AGBL1: variants seen among roughly 807,000 people sequenced by gnomAD.
AGBL1 encodes the protein cytosolic carboxypeptidase 4.
Under a neutral mutation model 118.9 loss-of-function variants are expected in AGBL1, and 130 were observed. The ratio of observed to expected loss-of-function variants is 1.09; its 90% CI spans 0.95 to 1.26. The LOEUF (loss-of-function observed/expected upper bound fraction) is 1.26. AGBL1 is among the 50% of genes most tolerant of loss of function. The pLI is 0.00. For missense variants in AGBL1, 1,584 were observed against 1,298.1 expected (o/e 1.22, Z -3.38); for synonymous variants, 555 against 478.9 (o/e 1.16, Z -2.08).
chr15:86,919,729 T>C (rs1218469631), downstream of AGBL1, among the ~76,000 whole-genome samples: 1 of 152,126 alleles, frequency 6.6e-6, no homozygotes, highest in Non-Finnish European at 1.5e-5. Flanking sequence ...AGATTATAAA[T>C]AGAAGCGACT....
chr15:86,258,741 C>T (rs1460823604), intron 9 of AGBL1, among the ~76,000 whole-genome samples: 5 of 151,996 alleles, frequency 3.3e-5, no homozygotes, highest in Non-Finnish European at 5.9e-5. Context: ...GAGTCTCACT[C>T]GTGTCACCAG....
chr15:86,861,057 T>C (rs2079553462), intron 22 of AGBL1, among the ~76,000 whole-genome samples: 2 of 152,078 alleles, frequency 1.3e-5, no homozygotes, highest in Admixed American at 1.3e-4. Context: ...GTCTGTTGAT[T>C]TCATTGGGTG....
chr15:86,828,249 A>T (rs1271267234), intron 22 of AGBL1, among the ~76,000 whole-genome samples: 1 of 151,880 alleles, frequency 6.6e-6, no homozygotes, highest in Non-Finnish European at 1.5e-5. Flanking sequence ...AGCCTGTCGT[A>T]CGACTTTTTT....
At chr15:86,482,416 G>A (rs527358997) in intron 18 of AGBL1, among the ~76,000 whole-genome samples, 113 of 152,254 alleles carry the variant, frequency 7.4e-4, no homozygotes, top group Non-Finnish European at 1.4e-3. Flanking sequence ...AGTCCAGTGT[G>A]CCATAAATGT....
intron 22 of AGBL1, among the ~76,000 whole-genome samples, chr15:86,797,822 A>C (rs1363170569): frequency 6.6e-6 from 1 of 152,188 alleles, no homozygotes; most frequent in Non-Finnish European, 1.5e-5. Flanking sequence ...AAGCCCTTGG[A>C]GGTGGAGGCC....
At chr15:86,506,070 A>T (rs80186691) in intron 18 of AGBL1, among the ~76,000 whole-genome samples, 1 of 152,024 alleles carries the variant, frequency 6.6e-6, no homozygotes, top group Non-Finnish European at 1.5e-5. Context: ...TCTGTAACTA[A>T]TAAGTCTCAT....
intron 20 of AGBL1, among the ~76,000 whole-genome samples, chr15:86,553,258 A>C (rs539209497): frequency 1.3e-5 from 2 of 152,330 alleles, no homozygotes; most frequent in Admixed American, 1.3e-4. Context: ...GACTAATCGC[A>C]GTATTTCTGC....
intron 23 of AGBL1, among the ~76,000 whole-genome samples, chr15:86,924,229 G>C (rs937040445): frequency 2.8e-4 from 43 of 152,332 alleles, no homozygotes; most frequent in African/African-American, 1.0e-3. Context: ...TGGCTGGTAA[G>C]TGCCACACAC....
chr15:86,529,328 C>T lies in AGBL1; in HGVS notation c.2685+6389C>T, dbSNP rs1336429259. Among the ~76,000 whole-genome samples, 20 of 134,842 alleles carry T rather than the reference C, an allele frequency of 1.5e-4. 2 individuals are homozygous for T. The highest frequency in any genetic ancestry group is 4.1e-4 in the Admixed American group (6 of 14,636). The allele number at this position is 134,842 out of a possible 152,430, so 88.5% of individuals were successfully genotyped here. On this transcript the variant is annotated intron_variant, in intron 19 of 22. Coordinates refer to ENST00000614907, the MANE Select transcript of AGBL1 (RefSeq NM_001386094.1). ...TGAAGAATGCAGAAGCCTCAGGAGCCGATGCGATCAACTGGAAGAAAGGGT... is the reference window on the plus strand; with the variant it reads ...TGAAGAATGCAGAAGCCTCAGGAGCTGATGCGATCAACTGGAAGAAAGGGT...
chr15:86,577,069 G>A (rs1459672545), intron 21 of AGBL1, among the ~76,000 whole-genome samples: 2 of 152,178 alleles, frequency 1.3e-5, no homozygotes, highest in Admixed American at 6.5e-5. Context: ...ACAGGCAGGG[G>A]TTGGAACATT....
chr15:86,141,409 T>C (rs1407730297), intron 1 of AGBL1, among the ~76,000 whole-genome samples: 2 of 152,186 alleles, frequency 1.3e-5, no homozygotes, highest in African/African-American at 2.4e-5. Flanking sequence ...GTAATCCCTT[T>C]GGGAGGCCGA....
intron 22 of AGBL1, among the ~76,000 whole-genome samples, chr15:86,766,832 C>G (rs969482424): frequency 2.1e-5 from 3 of 142,904 alleles, no homozygotes; most frequent in African/African-American, 8.1e-5. Context: ...TTGAAAGAAT[C>G]CCATCTTGAC....
At chr15:86,779,286 C>T (rs2078299397) in intron 22 of AGBL1, among the ~76,000 whole-genome samples, 1 of 152,206 alleles carries the variant, frequency 6.6e-6, no homozygotes, top group Admixed American at 6.5e-5. Flanking sequence ...CAGAATCTGC[C>T]AGTGCCTTGA....
chr15:86,405,494 G>A (rs1041909534), intron 18 of AGBL1, among the ~76,000 whole-genome samples: 3 of 151,744 alleles, frequency 2.0e-5, no homozygotes, highest in Admixed American at 1.3e-4. Flanking sequence ...GCAACAGAGT[G>A]AGACTCTATC....
At chr15:86,666,661 T>C (rs1286165650) in intron 21 of AGBL1, among the ~76,000 whole-genome samples, 1 of 152,148 alleles carries the variant, frequency 6.6e-6, no homozygotes, top group Admixed American at 6.6e-5. Flanking sequence ...CATGAGCATT[T>C]GCTGCTGTTA....
intron 22 of AGBL1, among the ~76,000 whole-genome samples, chr15:86,707,818 T>C (rs1027015625): frequency 2.0e-5 from 3 of 152,136 alleles, no homozygotes; most frequent in Non-Finnish European, 4.4e-5. Flanking sequence ...TGAACTTCCT[T>C]TTTCAATGGA....
intron 22 of AGBL1, among the ~76,000 whole-genome samples, chr15:86,824,777 G>A (rs989484246): frequency 6.6e-6 from 1 of 152,080 alleles, no homozygotes; most frequent in Admixed American, 6.6e-5. Flanking sequence ...TCAGAACTAG[G>A]TCTGGTATGG....
intron 6 of AGBL1, among the ~76,000 whole-genome samples, chr15:86,239,450 TCTC>T (rs1354536815): frequency 7.2e-5 from 11 of 152,298 alleles, no homozygotes; most frequent in African/African-American, 2.6e-4. Context: ...TTTTGGCTGT[TCTC>T]CTTTGCACCA....
At chr15:86,751,310 A>T (rs569815688) in intron 22 of AGBL1, among the ~76,000 whole-genome samples, 1 of 152,224 alleles carries the variant, frequency 6.6e-6, no homozygotes, top group Non-Finnish European at 1.5e-5. Flanking sequence ...TTTTAATAAT[A>T]GCCACTCTGA....
Sources: allele counts gnomAD v4.1 joint callset (sites outside exome capture counted in the v4.1 genomes callset), GRCh38; gene constraint gnomAD v4.1.1; transcripts MANE v1.5; gene names NCBI Gene and HGNC (gene_info 2026-07-23, HGNC 2026-07-21).